The following BMPR1A variants were observed in gnomAD, a reference collection of about 807,000 sequenced individuals.
The protein encoded by BMPR1A is bone morphogenetic protein receptor type-1A.
In BMPR1A, 7 loss-of-function variants were observed where a neutral mutation model predicts 66.0. That is an observed-to-expected ratio of 0.11 (90% confidence interval 0.06 to 0.20). The LOEUF (loss-of-function observed/expected upper bound fraction) is 0.20, where lower values mean the gene tolerates loss of function less well. Ranked by LOEUF, BMPR1A falls within the 10% of genes least tolerant of loss-of-function variation. The pLI, the probability that BMPR1A is intolerant of heterozygous loss-of-function variation, is 1.00. For synonymous variants in BMPR1A, 200 were observed against 229.7 expected (o/e 0.87, Z 1.17); for missense variants, 408 against 669.1 (o/e 0.61, Z 4.31).
chr10:86,821,365 T>C (rs1842117780), intron 1 of BMPR1A, among the ~76,000 whole-genome samples: 2 of 152,274 alleles, frequency 1.3e-5, no homozygotes, highest in South Asian at 2.1e-4. Context: ...TCAGCTGTTA[T>C]TAACAATATT....
chr10:86,912,733 G>A (rs573285049), intron 8 of BMPR1A, among the ~76,000 whole-genome samples: 89 of 152,252 alleles, frequency 5.8e-4, no homozygotes, highest in African/African-American at 2.0e-3. Flanking sequence ...AGAGGAATCA[G>A]GTATAAGATT....
intron 2 of BMPR1A, among the ~76,000 whole-genome samples, chr10:86,841,314 G>T (rs1032228374): frequency 1.3e-5 from 2 of 152,142 alleles, no homozygotes; most frequent in African/African-American, 4.8e-5. Context: ...AGATATATTT[G>T]ATTATTCCAC....
intron 2 of BMPR1A, among the ~76,000 whole-genome samples, chr10:86,840,734 C>A (rs1486131894): frequency 1.3e-5 from 2 of 152,134 alleles, no homozygotes; most frequent in African/African-American, 4.8e-5. Context: ...ATTTCTCCTT[C>A]TGTTAATGGA....
intron 1 of BMPR1A, among the ~76,000 whole-genome samples, chr10:86,779,849 G>T (rs887566845): frequency 6.6e-6 from 1 of 152,144 alleles, no homozygotes; most frequent in Admixed American, 6.5e-5. Context: ...CGATCTTTCA[G>T]CATCAGCCTC....
At chr10:86,906,904 T>A (rs1564720267) in intron 7 of BMPR1A, among the ~76,000 whole-genome samples, 1 of 152,190 alleles carries the variant, frequency 6.6e-6, no homozygotes, top group African/African-American at 2.4e-5. Context: ...TCAGGTAACT[T>A]CTATTTACCT....
At chr10:86,774,801 A>G (rs547342455) in intron 1 of BMPR1A, among the ~76,000 whole-genome samples, 6 of 152,378 alleles carry the variant, frequency 3.9e-5, no homozygotes, top group African/African-American at 2.4e-5. Context: ...TTTACACTAA[A>G]TAAATCTAAG....
intron 1 of BMPR1A, among the ~76,000 whole-genome samples, chr10:86,798,891 G>C (rs1841766631): frequency 6.6e-6 from 1 of 152,194 alleles, no homozygotes; most frequent in Non-Finnish European, 1.5e-5. Flanking sequence ...GCTGAGCACT[G>C]TGCCTTGTGT....
In BMPR1A at chr10:86,921,607, C is replaced by G. The variant is rs1843666528; in HGVS notation, c.1254C>G (p.Asn418Lys). Residue 418 changes from asparagine (N) to lysine (K), a missense_variant, in exon 11 of 13, where the codon AAC (asparagine) becomes AAG (lysine). This residue lies in a region of BMPR1A where 130 missense variants were observed against 257.3 expected (regional missense o/e 0.51). Transcript: ENST00000372037. ...CCGAAGTGCTGGACGAAAGCCTGAA[C>G]AAAAACCACTTCCAGCCCTACATCA... ...MAPEVLDESL[N>K]KNHFQPYIMA... 1.9e-6 allele frequency: 3 copies of G among 1,614,168 alleles called. No homozygotes were observed. Among genetic ancestry groups the G allele is most frequent in the Non-Finnish European group, 2.5e-6 (3 of 1,180,030 alleles).
chr10:86,889,833 A>G (rs1444268433), intron 3 of BMPR1A: 1 of 535,832 alleles, frequency 1.9e-6, no homozygotes, highest in African/African-American at 1.9e-5. Flanking sequence ...ACTAGTGCAA[A>G]AATTGTGATA....
intron 2 of BMPR1A, chr10:86,855,882 A>G: frequency 2.9e-6 from 2 of 700,914 alleles, no homozygotes; most frequent in Middle Eastern, 2.5e-4. Context: ...CAATTGCTAG[A>G]AGATTCATAT....
intron 1 of BMPR1A, among the ~76,000 whole-genome samples, chr10:86,791,439 C>T (rs1400519221): frequency 6.6e-6 from 1 of 151,924 alleles, no homozygotes; most frequent in Non-Finnish European, 1.5e-5. Flanking sequence ...GTCTCAATCT[C>T]CTCACCTCGT....
intron 2 of BMPR1A, among the ~76,000 whole-genome samples, chr10:86,874,288 TTA>T (rs562764224): frequency 3.3e-4 from 51 of 152,366 alleles, no homozygotes; most frequent in South Asian, 6.2e-4. Flanking sequence ...ATTGGAGAGA[TTA>T]TGTTTCATGT....
Position 86,927,029 on chromosome 10 carries a change from T to A in BMPR1A, c.*3310T>A. 5.3e-6 allele frequency: 1 copy of A among 187,306 alleles called. No individual in the cohort carries two copies. Among genetic ancestry groups the A allele is most frequent in the East Asian group, 8.6e-5 (1 of 11,608 alleles). 11.6% of individuals were successfully genotyped at this position (187,306 alleles called of 1,614,324 possible). A position where few individuals can be genotyped will look rare whatever the true frequency, so the allele number is the denominator to read the frequency against. On this transcript the variant is annotated 3_prime_UTR_variant, in exon 13 of 13. Transcript: ENST00000372037. ...CAAAAGTTATTTTAATCAGTATTTT[T>A]ACATTGCCTTTCCAGTGTCCAGAAG... is the stretch of plus-strand genomic sequence containing the variant.
intron 1 of BMPR1A, among the ~76,000 whole-genome samples, chr10:86,773,144 TC>T (rs909158134): frequency 1.3e-5 from 2 of 151,156 alleles, no homozygotes; most frequent in African/African-American, 4.9e-5. Flanking sequence ...TTTTTTTTTT[TC>T]CTGAATGTTC....
intron 1 of BMPR1A, among the ~76,000 whole-genome samples, chr10:86,761,939 G>A (rs1841065228): frequency 6.6e-6 from 1 of 152,182 alleles, no homozygotes; most frequent in African/African-American, 2.4e-5. Flanking sequence ...CTTGGCAGTT[G>A]TCTATATGGG....
At chr10:86,818,083 AT>A (rs1354874404) in intron 1 of BMPR1A, among the ~76,000 whole-genome samples, 1 of 152,118 alleles carries the variant, frequency 6.6e-6, no homozygotes, top group Admixed American at 6.5e-5. Context: ...TAATGGCATG[AT>A]CTCAGCTCAC....
downstream of BMPR1A, chr10:86,931,563 A>G (rs1366199312): frequency 6.7e-6 from 1 of 148,192 alleles, no homozygotes; most frequent in African/African-American, 2.6e-5. Context: ...ATACTTGGCT[A>G]GGAGTTCAGC....
At chr10:86,866,343 T>C (rs1415890885) in intron 2 of BMPR1A, among the ~76,000 whole-genome samples, 1 of 150,712 alleles carries the variant, frequency 6.6e-6, no homozygotes, top group Non-Finnish European at 1.5e-5. Flanking sequence ...GAATTTGGGC[T>C]TTGTCAGCAG....
chr10:86,901,897 C>CT (rs373199683), intron 7 of BMPR1A, among the ~76,000 whole-genome samples: 68 of 116,724 alleles, frequency 5.8e-4, no homozygotes, highest in African/African-American at 3.0e-3. Context: ...TAGAGTCTCA[C>CT]TCTGTCTCCC....
Sources: allele counts gnomAD v4.1 joint callset (sites outside exome capture counted in the v4.1 genomes callset), GRCh38; gene constraint gnomAD v4.1.1; regional missense constraint gnomAD v4.1.1; transcripts MANE v1.5; gene names NCBI Gene and HGNC (gene_info 2026-07-23, HGNC 2026-07-21).